ZC3H18: variants seen among roughly 807,000 people sequenced by gnomAD.
The protein encoded by ZC3H18 is zinc finger CCCH domain-containing protein 18.
ZC3H18 carries 8 observed loss-of-function variants against 106.1 expected under a neutral mutation model. The ratio of observed to expected loss-of-function variants is 0.08; its 90% confidence interval spans 0.04 to 0.14. The LOEUF (loss-of-function observed/expected upper bound fraction) is 0.14. ZC3H18 is among the 10% of genes least tolerant of loss of function. The pLI, the probability that ZC3H18 is intolerant of heterozygous loss-of-function variation, is 1.00. For synonymous variants in ZC3H18, 635 were observed against 522.1 expected, an observed-to-expected ratio of 1.22 and a Z score of -2.95; for missense variants, 1,318 against 1,278.4, an observed-to-expected ratio of 1.03 and a Z score of -0.47.
chr16:88,573,431 C>T (rs1342216447), intron 1 of ZC3H18, among the ~76,000 whole-genome samples: 3 of 152,056 alleles, frequency 2.0e-5, no homozygotes, highest in East Asian at 1.9e-4. Flanking sequence ...ACAGTCAGTG[C>T]GTAGAGGCCT....
At chr16:88,629,470 A>G (rs920146266) in intron 16 of ZC3H18, among the ~76,000 whole-genome samples, 3 of 151,684 alleles carry the variant, frequency 2.0e-5, no homozygotes, top group African/African-American at 7.3e-5. Context: ...GAGCAACTGT[A>G]TTTTTTTTTA....
chr16:88,627,453 G>A lies in ZC3H18; in HGVS notation c.2109-169G>A, dbSNP rs553933444. The A allele has an allele frequency of 4.2e-5, 36 of 853,108 alleles. 1 individual carries two copies. In the South Asian group the frequency reaches 4.8e-4, roughly 11 times the overall value. The allele number at this position is 853,108 out of a possible 1,614,324, so 52.8% of individuals were successfully genotyped here. ...GGGGCCCTGGCCTAGCCATGGGGACGTCCCTTACTTTGTAACCCTGAAACT... is the reference window on the plus strand; with the variant it reads ...GGGGCCCTGGCCTAGCCATGGGGACATCCCTTACTTTGTAACCCTGAAACT... On this transcript the variant is annotated intron_variant, in intron 13 of 17. Coordinates refer to ENST00000301011, the MANE Select transcript of ZC3H18 (RefSeq NM_144604.4). The surrounding 1 kb of genome is among the most constrained non-coding windows in gnomAD (Gnocchi z 4.5).
chr16:88,587,939 G>T (rs538066769), intron 3 of ZC3H18, among the ~76,000 whole-genome samples: 2 of 152,214 alleles, frequency 1.3e-5, no homozygotes, highest in Non-Finnish European at 2.9e-5. Context: ...GCTCGCTCCT[G>T]TGGGTGTGTG....
Position 88,599,578 on chromosome 16 carries a change from C to T in ZC3H18, c.931-213C>T, listed in dbSNP as rs977768214. Among the ~76,000 whole-genome samples, 6 of 152,168 alleles carry T rather than the reference C, an allele frequency of 3.9e-5. No homozygotes were observed. The East Asian group carries it at 5.8e-4, about 15-fold the overall frequency. Reference sequence around the variant, plus strand: ...ACACCTCATGTGGGCACACGGAGGCCGGGGGCAGCTGTTTGTGCAGAGACG... The same window carrying T: ...ACACCTCATGTGGGCACACGGAGGCTGGGGGCAGCTGTTTGTGCAGAGACG... On this transcript the variant is annotated intron_variant, in intron 5 of 17. Coordinates refer to ENST00000301011, the MANE Select transcript of ZC3H18 (RefSeq NM_144604.4).
chr16:88,573,898 G>C (rs1447664152), intron 1 of ZC3H18, among the ~76,000 whole-genome samples: 1 of 151,510 alleles, frequency 6.6e-6, no homozygotes, highest in Non-Finnish European at 1.5e-5. Flanking sequence ...TTGAGACGGA[G>C]TTTTGCTCTT....
At chr16:88,611,097 C>T (rs1905247412) in intron 7 of ZC3H18, among the ~76,000 whole-genome samples, 171 bp from the exon 8 acceptor site, 1 of 152,200 alleles carries the variant, frequency 6.6e-6, no homozygotes, top group Admixed American at 6.5e-5. Context: ...TACTCCACCG[C>T]AGAGAGTTCA....
intron 2 of ZC3H18, 69 bp from the exon 3 acceptor site, chr16:88,586,531 C>G: frequency 1.5e-6 from 2 of 1,311,784 alleles, no homozygotes; most frequent in East Asian, 4.6e-5. Flanking sequence ...CCTGCCCCTT[C>G]TGGTTTGGAG....
At chr16:88,587,637 C>G in intron 3 of ZC3H18, 1 of 1,524,576 alleles carries the variant, frequency 6.6e-7, no homozygotes, top group African/African-American at 1.4e-5. Context: ...TATATTCACT[C>G]TCTTCAGTAC....
chr16:88,611,965 T>C (rs1352501423), intron 8 of ZC3H18, among the ~76,000 whole-genome samples: 1 of 152,064 alleles, frequency 6.6e-6, no homozygotes, highest in East Asian at 1.9e-4. Flanking sequence ...GCTCAGGTGC[T>C]GTGGGGCATC....
intron 12 of ZC3H18, 114 bp downstream of exon 12, chr16:88,624,859 G>A (rs1458980759): frequency 7.8e-6 from 11 of 1,402,736 alleles, no homozygotes; most frequent in South Asian, 4.4e-5. Context: ...GGTGGGAAGC[G>A]CCCCCTAGCC....
Position 88,631,088 on chromosome 16 carries a change from C to T in ZC3H18, c.2664-13C>T, listed in dbSNP as rs762488754. The T allele has an allele frequency of 2.5e-6, 4 of 1,611,178 alleles. No homozygotes were observed. The highest frequency in any genetic ancestry group is 2.2e-5 in the East Asian group (1 of 44,866). ...GCTTCTGGGGGCTCAAGGTCTTCCC[C>T]ACCCCCTTGTAGGAAGCGCCAGCTG... On this transcript the variant is annotated splice_polypyrimidine_tract_variant and intron_variant, in intron 17 of 17. Coordinates refer to ENST00000301011, the MANE Select transcript of ZC3H18 (RefSeq NM_144604.4).
chr16:88,580,521 AGCTGCCGCTCCG>A (rs1915061283), intron 2 of ZC3H18, among the ~76,000 whole-genome samples: 1 of 152,058 alleles, frequency 6.6e-6, no homozygotes, highest in Non-Finnish European at 1.5e-5. Flanking sequence ...GTGCATGAAG[AGCTGCCGCTCCG>A]GCTGCTTCCA....
chr16:88,593,728 G>A (rs192068623), intron 3 of ZC3H18, among the ~76,000 whole-genome samples: 4 of 152,310 alleles, frequency 2.6e-5, no homozygotes, highest in East Asian at 1.9e-4. Context: ...ATGCAGATCC[G>A]GGTCCTGGCA....
At chr16:88,630,329 T>C (rs2142844286) in intron 16 of ZC3H18, 156 bp from the exon 17 acceptor site, 1 of 599,070 alleles carries the variant, frequency 1.7e-6, no homozygotes, top group Non-Finnish European at 2.9e-6. Context: ...TCTCTTCTCC[T>C]ACTTGGCTCT....
At position 88,628,967 on chromosome 16, in the gene ZC3H18, C is replaced by T. The variant is rs1443589604; in HGVS notation, c.2566+113C>T. On this transcript the variant is annotated intron_variant, in intron 16 of 17. Transcript: ENST00000301011. The stretch of plus-strand genomic sequence containing the variant: ...ACAAGTAGGAGGAGGGTCCAGAGAA[C>T]ATCTGACTTGCAGATGATGCCTGTC... The T allele has an allele frequency of 1.3e-5, 14 of 1,037,746 alleles. No homozygotes were observed. In the South Asian group the frequency reaches 1.9e-4, roughly 14 times the overall value. 64.3% of individuals were successfully genotyped at this position (1,037,746 alleles called of 1,614,324 possible). A position where few individuals can be genotyped will look rare whatever the true frequency, so the allele number is the denominator to read the frequency against.
intron 8 of ZC3H18, among the ~76,000 whole-genome samples, chr16:88,614,291 C>G (rs979127811): frequency 1.3e-5 from 2 of 152,266 alleles, no homozygotes. Flanking sequence ...TGGCAGCCAT[C>G]AGGACCTGCG....
intron 1 of ZC3H18, among the ~76,000 whole-genome samples, chr16:88,576,450 G>A (rs1329489026): frequency 2.6e-5 from 4 of 152,204 alleles, no homozygotes; most frequent in South Asian, 4.1e-4. Context: ...ACTTAGGAGT[G>A]TGAGTTGCTG....
rs562352150 is a variant in ZC3H18 at position 88,609,901 on chromosome 16, C to T, written c.1206+850C>T. On this transcript the variant is annotated intron_variant, in intron 7 of 17. Transcript: ENST00000301011. ...CAGGCATAAGTCACTGTGCCCAGCT[C>T]GGCCTGGTTTTGAAAATGAGATTTG... is the stretch of plus-strand genomic sequence containing the variant. Among the ~76,000 whole-genome samples the T allele has an allele frequency of 4.6e-5, 7 of 152,270 alleles. No homozygotes were observed. In the East Asian group the frequency reaches 1.4e-3, roughly 29 times the overall value.
chr16:88,590,184 T>C (rs1476357114), intron 3 of ZC3H18, among the ~76,000 whole-genome samples: 1 of 152,184 alleles, frequency 6.6e-6, no homozygotes, highest in Non-Finnish European at 1.5e-5. Flanking sequence ...AATACTAGGC[T>C]CAAGCAATCC....
Sources: allele counts gnomAD v4.1 joint callset (sites outside exome capture counted in the v4.1 genomes callset), GRCh38; gene constraint gnomAD v4.1.1; non-coding constraint Gnocchi (gnomAD v3.1); transcripts MANE v1.5; gene names NCBI Gene and HGNC (gene_info 2026-07-23, HGNC 2026-07-21).